Variants in TBC1D15 observed in about 807,000 individuals in gnomAD.
TBC1D15 encodes TBC1 domain family member 15, also known as GAP for RAB7.
Under a neutral mutation model 95.4 loss-of-function variants are expected in TBC1D15, and 39 were observed. The observed-to-expected ratio is 0.41, with a 90% CI of 0.32 to 0.53. TBC1D15 has a LOEUF of 0.53. Ranked by LOEUF, TBC1D15 falls within the 20% of genes least tolerant of loss-of-function variation. The pLI, the probability that TBC1D15 is intolerant of heterozygous loss-of-function variation, is 0.29. For missense variants in TBC1D15, 733 were observed against 794.3 expected, an observed-to-expected ratio of 0.92 and a Z score of 0.93; for synonymous variants, 258 against 261.3, an observed-to-expected ratio of 0.99 and a Z score of 0.12.
intron 6 of TBC1D15, 33 bp downstream of exon 6, chr12:71,893,357 G>C (rs372129247): frequency 7.0e-5 from 105 of 1,497,764 alleles, no homozygotes; most frequent in Non-Finnish European, 7.7e-5. Flanking sequence ...GTATTATTCT[G>C]ACTGCATTAT....
intron 6 of TBC1D15, chr12:71,894,329 G>T (rs140141653): frequency 6.2e-7 from 1 of 1,612,530 alleles, no homozygotes; most frequent in East Asian, 2.2e-5. Flanking sequence ...ATGAAGGCAG[G>T]ACTGCTAGAC....
At chr12:71,868,197 G>C (rs1290946849) in intron 1 of TBC1D15, among the ~76,000 whole-genome samples, 1 of 151,218 alleles carries the variant, frequency 6.6e-6, no homozygotes, top group Non-Finnish European at 1.5e-5. Flanking sequence ...AAAAAGGGCT[G>C]AAGAGTTGAG....
intron 11 of TBC1D15, among the ~76,000 whole-genome samples, chr12:71,911,595 G>A (rs1329813478): frequency 1.4e-5 from 2 of 139,912 alleles, no homozygotes; most frequent in African/African-American, 5.3e-5. Context: ...GACACAGGAA[G>A]GGGAACATCA....
In TBC1D15 at chr12:71,917,800, A is replaced by ACCTTTATTTTTGCTTC; in HGVS notation, c.1501+3_1501+4insCCTTTATTTTTGCTTC. 1 of 1,585,872 alleles carries ACCTTTATTTTTGCTTC rather than the reference A, an allele frequency of 6.3e-7. No homozygotes were observed. The highest frequency in any genetic ancestry group is 8.7e-7 in the Non-Finnish European group (1 of 1,155,048). On this transcript the variant is annotated splice_donor_region_variant and intron_variant, in intron 13 of 16. Coordinates refer to ENST00000485960, the MANE Select transcript of TBC1D15 (RefSeq NM_001146213.3). ...CAGTGGATTTTGCAGTTACTTAGGT[A>ACCTTTATTTTTGCTTC]AGTTTAGTGAATCAGAACTATACCC...
intron 10 of TBC1D15, among the ~76,000 whole-genome samples, chr12:71,905,329 C>G (rs1900423604): frequency 6.6e-6 from 1 of 151,942 alleles, no homozygotes; most frequent in African/African-American, 2.4e-5. Flanking sequence ...AGCAGTTTGA[C>G]TTTTTTTTCT....
chr12:71,893,199 A>G lies in TBC1D15; in HGVS notation c.555-23A>G, dbSNP rs773163888. ...TTGATACAGTGTGTTAGTATTTTCTACAAATCCTCTTTTTTATTATAGATC... is the reference window on the plus strand; with the variant it reads ...TTGATACAGTGTGTTAGTATTTTCTGCAAATCCTCTTTTTTATTATAGATC... On this transcript the variant is annotated intron_variant, in intron 5 of 16. Transcript: ENST00000485960. 8.1e-6 allele frequency: 12 copies of G among 1,484,458 alleles called. No individual in the cohort carries two copies. In the Admixed American group the frequency reaches 1.7e-4, roughly 21 times the overall value. The allele number at this position is 1,484,458 out of a possible 1,614,324, so 92.0% of individuals were successfully genotyped here.
intron 1 of TBC1D15, among the ~76,000 whole-genome samples, chr12:71,855,157 A>G (rs1326072620): frequency 6.6e-6 from 1 of 152,124 alleles, no homozygotes; most frequent in Non-Finnish European, 1.5e-5. Flanking sequence ...GGAAACTGCC[A>G]CTTTTAAACC....
chr12:71,875,476 G>A (rs1409407114), intron 3 of TBC1D15, among the ~76,000 whole-genome samples: 1 of 151,918 alleles, frequency 6.6e-6, no homozygotes, highest in East Asian at 1.9e-4. Context: ...TTATGAAGAT[G>A]TACTGCTGTT....
At chr12:71,889,242 T>C (rs1339748329) in intron 5 of TBC1D15, among the ~76,000 whole-genome samples, 2 of 152,230 alleles carry the variant, frequency 1.3e-5, no homozygotes, top group African/African-American at 4.8e-5. Flanking sequence ...GCTGCTCTTC[T>C]TGGGGAAGGA....
At chr12:71,919,313 T>C (rs377562154) in intron 14 of TBC1D15, among the ~76,000 whole-genome samples, 17 of 151,744 alleles carry the variant, frequency 1.1e-4, no homozygotes, top group African/African-American at 4.1e-4. Context: ...TAGCTGGGAC[T>C]ACAGGTCTAC....
intron 1 of TBC1D15, among the ~76,000 whole-genome samples, chr12:71,859,891 A>G (rs757866411): frequency 4.6e-5 from 7 of 152,200 alleles, no homozygotes; most frequent in Non-Finnish European, 1.0e-4. Context: ...GATTACAAGC[A>G]TGAGCTACCA....
Position 71,839,772 on chromosome 12 carries a change from C to T in TBC1D15, c.-10C>T, listed in dbSNP as rs766363442. 2.1e-5 allele frequency: 34 copies of T among 1,614,026 alleles called. No homozygotes were observed. Among genetic ancestry groups the T allele is most frequent in the Non-Finnish European group, 8.5e-7 (1 of 1,180,034 alleles). ...TTCTGCTACGTCATTACCAGGCACG[C>T]GCAGGAAACATGGCGGCGGCGGGTG... On this transcript the variant is annotated 5_prime_UTR_variant, in exon 1 of 17. Coordinates refer to ENST00000485960, the MANE Select transcript of TBC1D15 (RefSeq NM_001146213.3).
intron 1 of TBC1D15, among the ~76,000 whole-genome samples, chr12:71,855,646 T>C (rs328782): frequency 0.1 from 12,463 of 119,274 alleles, 635 homozygotes; most frequent in South Asian, 0.18. Flanking sequence ...CCAGCCTGGG[T>C]GACAGAGCGA....
At chr12:71,913,491 C>T (rs1328967068) in intron 11 of TBC1D15, 2 of 205,172 alleles carry the variant, frequency 9.7e-6, no homozygotes, top group African/African-American at 4.8e-5. Flanking sequence ...TGATGTTCCT[C>T]TGGATTATCT....
intron 3 of TBC1D15, among the ~76,000 whole-genome samples, chr12:71,875,357 G>A (rs1377985315): frequency 2.0e-5 from 3 of 151,672 alleles, no homozygotes; most frequent in Admixed American, 2.0e-4. Flanking sequence ...GGTATGCTTT[G>A]AAGCACAAAC....
chr12:71,902,582 A>G (rs1266005254), intron 10 of TBC1D15, among the ~76,000 whole-genome samples: 1 of 152,194 alleles, frequency 6.6e-6, no homozygotes, highest in East Asian at 1.9e-4. Context: ...ATCAGTCAAG[A>G]TGGATTAAAA....
chr12:71,912,022 T>C (rs1566066873), intron 11 of TBC1D15, among the ~76,000 whole-genome samples: 1 of 152,118 alleles, frequency 6.6e-6, no homozygotes, highest in Non-Finnish European at 1.5e-5. Flanking sequence ...CTTTGAAATA[T>C]TTCTGATGTA....
intron 10 of TBC1D15, among the ~76,000 whole-genome samples, chr12:71,903,907 G>C (rs1365007243): frequency 6.6e-6 from 1 of 152,164 alleles, no homozygotes; most frequent in African/African-American, 2.4e-5. Flanking sequence ...TGGGTGTTAT[G>C]CTCATTACCT....
chr12:71,877,546 TCC>T, intron 3 of TBC1D15, among the ~76,000 whole-genome samples: 1 of 140,840 alleles, frequency 7.1e-6, no homozygotes, highest in Non-Finnish European at 1.5e-5. Context: ...CTTCCTTCCT[TCC>T]TTCCTTCCTT....
Sources: allele counts gnomAD v4.1 joint callset (sites outside exome capture counted in the v4.1 genomes callset), GRCh38; gene constraint gnomAD v4.1.1; transcripts MANE v1.5; gene names NCBI Gene and HGNC (gene_info 2026-07-23, HGNC 2026-07-21).